The following PCDH15 variants were observed in gnomAD, a reference collection of about 807,000 sequenced individuals.
PCDH15 encodes the protein protocadherin-15.
A neutral mutation model predicts 178.5 loss-of-function variants in PCDH15; 129 were observed. That is an observed-to-expected ratio of 0.72 (90% confidence interval 0.63 to 0.84). The LOEUF (loss-of-function observed/expected upper bound fraction) is 0.84. PCDH15 is among the 40% of genes least tolerant of loss of function. The pLI is 0.00. For synonymous variants in PCDH15, 800 were observed against 732.0 expected (o/e 1.09, Z -1.50); for missense variants, 2,230 against 2,099.9 (o/e 1.06, Z -1.21).
At chr10:55,426,644 A>C (rs1838765188) in intron 2 of PCDH15, among the ~76,000 whole-genome samples, 1 of 152,162 alleles carries the variant, frequency 6.6e-6, no homozygotes, top group Non-Finnish European at 1.5e-5. Context: ...CAGCGAGGGC[A>C]AAGGGTCAGT....
intron 2 of PCDH15, among the ~76,000 whole-genome samples, chr10:54,644,129 C>T (rs1038920149): frequency 3.3e-5 from 5 of 150,370 alleles, no homozygotes; most frequent in African/African-American, 1.2e-4. Flanking sequence ...TCATCCATGT[C>T]CCTACAAAGG....
intron 2 of PCDH15, among the ~76,000 whole-genome samples, chr10:55,622,105 T>TTA (rs1419437966): frequency 4.5e-5 from 3 of 66,002 alleles, no homozygotes; most frequent in Non-Finnish European, 9.7e-5. Context: ...TGTATATATA[T>TTA]TATATATATC....
intron 2 of PCDH15, among the ~76,000 whole-genome samples, chr10:55,548,777 GGAGA>G (rs1303244699): frequency 6.6e-6 from 1 of 152,048 alleles, no homozygotes; most frequent in Non-Finnish European, 1.5e-5. Flanking sequence ...AGTGAAAGGA[GGAGA>G]GAGAGTAGGG....
At chr10:55,238,367 G>A (rs966303408) in intron 1 of PCDH15, among the ~76,000 whole-genome samples, 1 of 151,804 alleles carries the variant, frequency 6.6e-6, no homozygotes. Flanking sequence ...AGCCAGGATG[G>A]TCTCGATCTC....
At chr10:54,362,716 G>A (rs566671817) in intron 5 of PCDH15, among the ~76,000 whole-genome samples, 163 of 152,074 alleles carry the variant, frequency 1.1e-3, no homozygotes, top group South Asian at 2.3e-3. Context: ...TCATATTAAT[G>A]TTGCTTAATC....
chr10:55,153,601 C>G (rs926427444), intron 2 of PCDH15, among the ~76,000 whole-genome samples: 2 of 152,110 alleles, frequency 1.3e-5, no homozygotes, highest in Non-Finnish European at 2.9e-5. Context: ...TCAAAGGCAC[C>G]TCAGTACTAA....
chr10:54,926,317 A>C (rs2131848526), intron 2 of PCDH15, among the ~76,000 whole-genome samples: 1 of 152,194 alleles, frequency 6.6e-6, no homozygotes, highest in East Asian at 1.9e-4. Context: ...ATGGTGGATA[A>C]GCTTTTTGAT....
intron 2 of PCDH15, among the ~76,000 whole-genome samples, chr10:55,145,475 A>AT (rs1490403156): frequency 6.6e-6 from 1 of 151,990 alleles, no homozygotes; most frequent in African/African-American, 2.4e-5. Context: ...GAACTTGCAT[A>AT]TTAGCCCTCA....
Position 54,559,120 on chromosome 10 carries a change from T to G in PCDH15, c.92-31243A>C, listed in dbSNP as rs149596760. Among the ~76,000 whole-genome samples, 356 of 152,120 alleles carry G rather than the reference T, an allele frequency of 2.3e-3. 1 individual carries two copies. The highest frequency in any genetic ancestry group is 8.2e-3 in the African/African-American group (339 of 41,538). On this transcript the variant is annotated intron_variant, in intron 2 of 37. Coordinates refer to ENST00000644397, the MANE Select transcript of PCDH15 (RefSeq NM_001384140.1). ...GTTTTCCCTTATCTCACTTTTCTCT[T>G]CTCTTTTCTTTTATCATATGTATGC... is the stretch of plus-strand genomic sequence containing the variant.
At chr10:55,572,727 C>T (rs1416512451) in intron 2 of PCDH15, among the ~76,000 whole-genome samples, 3 of 151,970 alleles carry the variant, frequency 2.0e-5, no homozygotes, top group Admixed American at 1.3e-4. Context: ...GAAAACAGGT[C>T]TCTCTGTGAA....
intron 2 of PCDH15, chr10:54,605,570 T>A (rs768666024): frequency 3.3e-5 from 5 of 152,188 alleles, no homozygotes; most frequent in African/African-American, 4.8e-5. Flanking sequence ...CAGTGGTCTC[T>A]GGGTGTCCAG....
chr10:54,163,451 C>A (rs2045915222), intron 13 of PCDH15, among the ~76,000 whole-genome samples: 1 of 151,938 alleles, frequency 6.6e-6, no homozygotes, highest in African/African-American at 2.4e-5. Context: ...TACTTTTAAA[C>A]CATCAGCTCT....
At chr10:55,307,361 G>A (rs1843454075) in intron 1 of PCDH15, among the ~76,000 whole-genome samples, 1 of 151,754 alleles carries the variant, frequency 6.6e-6, no homozygotes. Context: ...AAATTAGCCG[G>A]GCATGGTGGC....
intron 2 of PCDH15, among the ~76,000 whole-genome samples, chr10:55,016,903 G>A (rs370478190): frequency 6.6e-6 from 1 of 151,804 alleles, no homozygotes; most frequent in African/African-American, 2.4e-5. Context: ...TTCTTCATGG[G>A]AGAAAAAAAT....
chr10:54,415,596 T>A (rs1954224983), intron 3 of PCDH15, among the ~76,000 whole-genome samples: 1 of 151,376 alleles, frequency 6.6e-6, no homozygotes, highest in South Asian at 2.1e-4. Flanking sequence ...TATTCACAGA[T>A]GTGATATATG....
chr10:54,486,638 T>C (rs905707595), intron 3 of PCDH15, among the ~76,000 whole-genome samples: 2 of 151,964 alleles, frequency 1.3e-5, no homozygotes, highest in African/African-American at 4.8e-5. Context: ...TACACTGATT[T>C]TTTTTCCTTT....
chr10:54,391,413 C>A (rs911134084), intron 3 of PCDH15, among the ~76,000 whole-genome samples: 3 of 151,880 alleles, frequency 2.0e-5, no homozygotes, highest in Non-Finnish European at 1.5e-5. Flanking sequence ...AGTCAAGCAC[C>A]AATTACTATA....
chr10:54,314,632 C>A (rs984236633), intron 8 of PCDH15, among the ~76,000 whole-genome samples: 2 of 151,940 alleles, frequency 1.3e-5, no homozygotes, highest in African/African-American at 2.4e-5. Context: ...ATTGCGTCAC[C>A]CAGTTAGTAA....
At chr10:54,063,912 C>T (rs1042565310) in intron 18 of PCDH15, among the ~76,000 whole-genome samples, 1 of 152,148 alleles carries the variant, frequency 6.6e-6, no homozygotes, top group African/African-American at 2.4e-5. Context: ...CCTGAAGAGC[C>T]GCAACTCTTC....
Sources: allele counts gnomAD v4.1 joint callset (sites outside exome capture counted in the v4.1 genomes callset), GRCh38; gene constraint gnomAD v4.1.1; transcripts MANE v1.5; gene names NCBI Gene and HGNC (gene_info 2026-07-23, HGNC 2026-07-21).